Variants in ADK observed in about 807,000 individuals in gnomAD.
The protein encoded by ADK is adenosine kinase, also known as N6,N6-dimethyladenosine kinase.
ADK carries 24 observed loss-of-function variants against 44.7 expected under a neutral mutation model. The observed-to-expected ratio is 0.54, with a 90% CI of 0.39 to 0.76. The LOEUF (loss-of-function observed/expected upper bound fraction) is 0.76, where lower values mean the gene tolerates loss of function less well. Ranked by LOEUF, ADK falls within the 30% of genes least tolerant of loss-of-function variation. ADK has a pLI of 0.00. For synonymous variants in ADK, 128 were observed against 142.6 expected (o/e 0.90, Z 0.73); for missense variants, 321 against 425.1 (o/e 0.76, Z 2.15).
intron 1 of ADK, among the ~76,000 whole-genome samples, chr10:74,185,288 A>C (rs1341922525): frequency 6.6e-6 from 1 of 152,208 alleles, no homozygotes; most frequent in Admixed American, 6.5e-5. Flanking sequence ...TTGGAAGTAC[A>C]TGCTGGGCTA....
intron 3 of ADK, among the ~76,000 whole-genome samples, chr10:74,270,005 T>A (rs576779227): frequency 9.2e-5 from 14 of 151,980 alleles, no homozygotes; most frequent in East Asian, 1.9e-4. Flanking sequence ...TTCAAAAAAA[T>A]AAATAAATAA....
chr10:74,334,077 C>G (rs577937752), intron 4 of ADK, among the ~76,000 whole-genome samples: 96 of 152,036 alleles, frequency 6.3e-4, no homozygotes, highest in Admixed American at 2.0e-4. Flanking sequence ...ATGACACATG[C>G]ACAGTCTAGC....
At chr10:74,415,228 C>G (rs1242673706) in intron 6 of ADK, among the ~76,000 whole-genome samples, 1 of 152,088 alleles carries the variant, frequency 6.6e-6, no homozygotes, top group African/African-American at 2.4e-5. Flanking sequence ...TTATGCAGAG[C>G]CCCAAATGAA....
At chr10:74,373,123 GAAA>G (rs1212324517) in intron 4 of ADK, among the ~76,000 whole-genome samples, 6 of 141,708 alleles carry the variant, frequency 4.2e-5, no homozygotes, top group African/African-American at 1.3e-4. Context: ...ATCCATATGG[GAAA>G]AAAAAAAAGC....
chr10:74,394,036 A>G lies in ADK; in HGVS notation c.274-105A>G, dbSNP rs1260273419. On this transcript the variant is annotated intron_variant, in intron 4 of 10. Transcript: ENST00000539909. ...TTGAAATCCCATTCATAACAGCTAC[A>G]GTTTCTCACAAAGCATTCTTGTCAC... The G allele has an allele frequency of 3.5e-6, 4 of 1,148,494 alleles. No homozygotes were observed. In the African/African-American group the frequency reaches 6.1e-5, roughly 17 times the overall value. The allele number at this position is 1,148,494 out of a possible 1,614,324, so 71.1% of individuals were successfully genotyped here.
chr10:74,629,978 C>G (rs1326715168), intron 9 of ADK, among the ~76,000 whole-genome samples: 1 of 152,034 alleles, frequency 6.6e-6, no homozygotes, highest in Non-Finnish European at 1.5e-5. Context: ...GACTCAGTAA[C>G]TTTACTTACA....
chr10:74,565,078 T>G (rs1008770127), intron 7 of ADK, among the ~76,000 whole-genome samples: 12 of 152,226 alleles, frequency 7.9e-5, no homozygotes, highest in African/African-American at 2.4e-4. Flanking sequence ...CTGAGAAAAT[T>G]GCTAAGTATT....
At chr10:74,270,927 T>G (rs1047644539) in intron 3 of ADK, among the ~76,000 whole-genome samples, 1 of 152,158 alleles carries the variant, frequency 6.6e-6, no homozygotes, top group African/African-American at 2.4e-5. Context: ...TTTACGGCAT[T>G]TGTACATAGA....
At chr10:74,329,579 A>G (rs1429261946) in intron 4 of ADK, among the ~76,000 whole-genome samples, 2 of 152,226 alleles carry the variant, frequency 1.3e-5, no homozygotes, top group African/African-American at 4.8e-5. Flanking sequence ...GGAGTTTTCA[A>G]ATAAGGAAGA....
intron 9 of ADK, among the ~76,000 whole-genome samples, chr10:74,642,637 A>T (rs1049303432): frequency 1.3e-5 from 2 of 152,050 alleles, no homozygotes; most frequent in African/African-American, 4.8e-5. Flanking sequence ...TACTAAAATT[A>T]TCCCCAGAGA....
intron 7 of ADK, among the ~76,000 whole-genome samples, chr10:74,535,190 A>G (rs975741598): frequency 6.6e-6 from 1 of 152,208 alleles, no homozygotes; most frequent in African/African-American, 2.4e-5. Flanking sequence ...GCCAGGAACC[A>G]TAGCGCACAC....
intron 6 of ADK, among the ~76,000 whole-genome samples, chr10:74,426,727 A>G (rs1030389836): frequency 1.3e-5 from 2 of 152,186 alleles, no homozygotes; most frequent in African/African-American, 4.8e-5. Context: ...TTAAATAAAA[A>G]TGATATCACT....
chr10:74,214,225 C>T (rs2132203205), intron 2 of ADK, among the ~76,000 whole-genome samples: 1 of 152,254 alleles, frequency 6.6e-6, no homozygotes, highest in South Asian at 2.1e-4. Flanking sequence ...GCTTTAGTCT[C>T]AAACATTGTT....
intron 6 of ADK, among the ~76,000 whole-genome samples, chr10:74,459,705 G>A (rs1362414463): frequency 2.3e-4 from 32 of 140,034 alleles, no homozygotes; most frequent in Middle Eastern, 3.8e-3. Context: ...CTCCAGCCTG[G>A]CAATAGAGCA....
chr10:74,541,911 G>C (rs1174324137), intron 7 of ADK, among the ~76,000 whole-genome samples: 1 of 150,420 alleles, frequency 6.6e-6, no homozygotes, highest in African/African-American at 2.4e-5. Flanking sequence ...TGATCACATG[G>C]TTAAGAAAAT....
chr10:74,490,543 A>G (rs1197064580), intron 6 of ADK, among the ~76,000 whole-genome samples: 1 of 152,162 alleles, frequency 6.6e-6, no homozygotes, highest in African/African-American at 2.4e-5. Flanking sequence ...CAATTAGAAC[A>G]GAGTTTAGGA....
intron 7 of ADK, among the ~76,000 whole-genome samples, chr10:74,541,795 C>A (rs941396436): frequency 2.1e-4 from 4 of 19,338 alleles, no homozygotes; most frequent in African/African-American, 5.1e-4. Context: ...CCCCCACACA[C>A]CCCCCCCCCC....
chr10:74,606,529 A>T (rs1371920260), intron 9 of ADK, among the ~76,000 whole-genome samples: 1 of 152,166 alleles, frequency 6.6e-6, no homozygotes, highest in Non-Finnish European at 1.5e-5. Context: ...TTCAGTTTCC[A>T]TGCAGTTGTG....
chr10:74,490,890 T>G (rs1847456700), intron 6 of ADK, among the ~76,000 whole-genome samples: 2 of 152,110 alleles, frequency 1.3e-5, no homozygotes, highest in South Asian at 4.1e-4. Context: ...GGTGTCCATG[T>G]TTAGGTACCA....
Sources: gnomAD v4.1 joint callset for allele counts (sites outside exome capture counted in the v4.1 genomes callset) on GRCh38, gnomAD v4.1.1 for gene constraint, MANE v1.5 for transcripts, NCBI Gene and HGNC (gene_info 2026-07-23, HGNC 2026-07-21) for gene names.